The following ABL2 variants were observed in gnomAD, a reference collection of about 807,000 sequenced individuals.
The protein encoded by ABL2 is ABL proto-oncogene 2, non-receptor tyrosine kinase, also known as tyrosine-protein kinase ABL2.
ABL2 carries 49 observed loss-of-function variants against 107.7 expected under a neutral mutation model. That is an observed-to-expected ratio of 0.45 (90% CI 0.36 to 0.58). The LOEUF (loss-of-function observed/expected upper bound fraction) is 0.58, where lower values mean the gene tolerates loss of function less well. Among genes scored for constraint, ABL2 ranks in the 20% least tolerant of loss-of-function variants. ABL2 has a pLI of 0.00. For missense variants in ABL2, 1,245 were observed against 1,457.0 expected, an observed-to-expected ratio of 0.85 and a Z score of 2.37; for synonymous variants, 549 against 548.6, an observed-to-expected ratio of 1.00 and a Z score of -0.01.
intron 1 of ABL2, among the ~76,000 whole-genome samples, chr1:179,156,353 T>C (rs899841855): frequency 2.0e-5 from 3 of 152,192 alleles, no homozygotes; most frequent in Non-Finnish European, 2.9e-5. Flanking sequence ...ATCCTCCATA[T>C]AGAATGTGTT....
chr1:179,115,058 A>G (rs1437681137), intron 8 of ABL2, 28 bp from the exon 9 acceptor site: 1 of 1,555,908 alleles, frequency 6.4e-7, no homozygotes, highest in Non-Finnish European at 8.7e-7. Flanking sequence ...AAAAGCACTT[A>G]GTGTTTCTTC....
chr1:179,152,954 C>A (rs1178376887), intron 1 of ABL2, among the ~76,000 whole-genome samples: 2 of 151,896 alleles, frequency 1.3e-5, no homozygotes, highest in Non-Finnish European at 1.5e-5. Context: ...TAAAGTAACA[C>A]CCAGATATCA....
intron 1 of ABL2, among the ~76,000 whole-genome samples, chr1:179,143,286 AAC>A (rs1306619784): frequency 6.6e-6 from 1 of 152,254 alleles, no homozygotes; most frequent in African/African-American, 2.4e-5. Context: ...AATCTCTGAG[AAC>A]ACTTTTAAAA....
intron 1 of ABL2, among the ~76,000 whole-genome samples, chr1:179,205,542 G>A (rs1378105482): frequency 6.6e-6 from 1 of 152,258 alleles, no homozygotes; most frequent in African/African-American, 2.4e-5. Flanking sequence ...CAGCTTTCTA[G>A]AACGATGGTT....
chr1:179,150,173 C>T (rs886673699), intron 1 of ABL2, among the ~76,000 whole-genome samples: 1 of 152,110 alleles, frequency 6.6e-6, no homozygotes, highest in African/African-American at 2.4e-5. Context: ...GAGGTCAAAA[C>T]TGCAGTGAGC....
intron 1 of ABL2, among the ~76,000 whole-genome samples, chr1:179,208,431 C>T (rs551831477): frequency 3.7e-4 from 56 of 152,234 alleles, no homozygotes; most frequent in African/African-American, 1.3e-3. Context: ...CATTAATTCA[C>T]TTAGGATAAT....
intron 1 of ABL2, among the ~76,000 whole-genome samples, chr1:179,193,504 A>G (rs2102825805): frequency 6.7e-6 from 1 of 150,334 alleles, no homozygotes; most frequent in Non-Finnish European, 1.5e-5. Context: ...TCCTGGGTTC[A>G]AGCAATTCTC....
chr1:179,169,512 C>T (rs1479479216), intron 1 of ABL2, among the ~76,000 whole-genome samples: 1 of 151,224 alleles, frequency 6.6e-6, no homozygotes, highest in Non-Finnish European at 1.5e-5. Context: ...TGAACCACTG[C>T]ACTCCAGCCT....
rs2102613544 is a variant in ABL2, at chr1:179,117,491, C to G, written c.1249G>C (p.Val417Leu). ...HRDLAARNCL[V>L]GENHVVKVAD... Reference sequence around the variant, plus strand: ...ACTTTTACCACATGGTTTTCTCCCACTAGGCAGTTACGAGCTGCAAGATCT... The same window carrying G: ...ACTTTTACCACATGGTTTTCTCCCAGTAGGCAGTTACGAGCTGCAAGATCT... Residue 417 changes from valine (V) to leucine (L), a missense_variant, in exon 8 of 12, where the codon GTG becomes CTG. By Grantham distance (32) the Val-to-Leu change is conservative (BLOSUM62 1). Transcript: ENST00000502732. The G allele has an allele frequency of 6.2e-7, 1 of 1,614,116 alleles. No individual in the cohort carries two copies. The highest frequency in any genetic ancestry group is 8.5e-7 in the Non-Finnish European group (1 of 1,180,030).
chr1:179,131,594 T>G lies in ABL2; in HGVS notation c.221-113A>C, dbSNP rs538471903. The G allele has an allele frequency of 1.2e-5, 13 of 1,062,456 alleles. No homozygotes were observed. In the South Asian group the frequency reaches 1.8e-4, roughly 15 times the overall value. 65.8% of individuals were successfully genotyped at this position (1,062,456 alleles called of 1,614,324 possible). On this transcript the variant is annotated intron_variant, in intron 2 of 11. Transcript: ENST00000502732. Reference sequence around the variant, plus strand: ...TGCTGGCTCCAGAGTAGGAAAGAACTGTACAGTATAAAGTGTTATGAAGAA... The same window carrying G: ...TGCTGGCTCCAGAGTAGGAAAGAACGGTACAGTATAAAGTGTTATGAAGAA...
intron 1 of ABL2, among the ~76,000 whole-genome samples, chr1:179,135,986 C>T (rs1264779682): frequency 1.4e-5 from 2 of 145,684 alleles, no homozygotes; most frequent in East Asian, 2.1e-4. Flanking sequence ...TCCGGCCAGC[C>T]GCCCCGTCCA....
At chr1:179,224,852 CAA>C (rs34472235) in intron 1 of ABL2, among the ~76,000 whole-genome samples, 11 of 64,948 alleles carry the variant, frequency 1.7e-4, no homozygotes, top group Non-Finnish European at 2.6e-4. Flanking sequence ...TCCGTCTCTA[CAA>C]AAAAAAAAAA....
chr1:179,207,334 C>T (rs114602655), intron 1 of ABL2, among the ~76,000 whole-genome samples: 10 of 152,218 alleles, frequency 6.6e-5, no homozygotes, highest in South Asian at 6.2e-4. Context: ...AGCATTAAAA[C>T]GACAACTATA....
Position 179,229,675 on chromosome 1 carries a change from AC to A in ABL2, c.-279del. 2 of 407,248 alleles carry A rather than the reference AC, an allele frequency of 4.9e-6. No individual in the cohort carries two copies. The highest frequency in any genetic ancestry group is 5.1e-5 in the Admixed American group (1 of 19,698). The allele number at this position is 407,248 out of a possible 1,614,324, so 25.2% of individuals were successfully genotyped here. On this transcript the variant is annotated 5_prime_UTR_variant, in exon 1 of 12. Coordinates refer to ENST00000502732, the MANE Select transcript of ABL2 (RefSeq NM_007314.4). Reference sequence around the variant, plus strand: ...CCGCCACCGCCGCCGCCATCTTTAAACCACCGAGCGCTGGGAAAGCGTGGGA... The same window carrying A: ...CCGCCACCGCCGCCGCCATCTTTAAACACCGAGCGCTGGGAAAGCGTGGGA...
At chr1:179,166,858 T>G (rs1220180206) in intron 1 of ABL2, among the ~76,000 whole-genome samples, 1 of 151,480 alleles carries the variant, frequency 6.6e-6, no homozygotes, top group Non-Finnish European at 1.5e-5. Context: ...TGAGATATTA[T>G]GTTACCCCAC....
At chr1:179,214,284 A>C (rs1185226714) in intron 1 of ABL2, among the ~76,000 whole-genome samples, 2 of 152,004 alleles carry the variant, frequency 1.3e-5, no homozygotes, top group Non-Finnish European at 2.9e-5. Flanking sequence ...ATTCACCCCC[A>C]AATTAACCTA....
intron 8 of ABL2, 49 bp downstream of exon 8, chr1:179,117,283 A>G (rs767229388): frequency 1.3e-6 from 2 of 1,520,618 alleles, no homozygotes; most frequent in Non-Finnish European, 1.8e-6. Context: ...CAAGGCATTT[A>G]TAAAAAAAAA....
At chr1:179,206,738 G>T (rs1044050214) in intron 1 of ABL2, among the ~76,000 whole-genome samples, 6 of 152,252 alleles carry the variant, frequency 3.9e-5, no homozygotes, top group Non-Finnish European at 7.4e-5. Context: ...TGTATCTCTT[G>T]AATTTTGAAC....
chr1:179,181,928 G>A (rs1022325980), intron 1 of ABL2, among the ~76,000 whole-genome samples: 1 of 147,098 alleles, frequency 6.8e-6, no homozygotes, highest in African/African-American at 2.5e-5. Flanking sequence ...CTATAGTCAC[G>A]TGTCACCAGG....
Sources: gnomAD v4.1 joint callset for allele counts (sites outside exome capture counted in the v4.1 genomes callset) on GRCh38, gnomAD v4.1.1 for gene constraint, MANE v1.5 for transcripts, NCBI Gene and HGNC (gene_info 2026-07-23, HGNC 2026-07-21) for gene names.